The following NPIPB8 variants were observed in gnomAD, a reference collection of about 807,000 sequenced individuals.
NPIPB8 encodes the protein nuclear pore complex-interacting protein family member B8.
NPIPB8 carries 3 observed loss-of-function variants against 5.3 expected under a neutral mutation model. That is an observed-to-expected ratio of 0.57 (90% CI 0.26 to 1.47). The LOEUF is 1.47. NPIPB8 is among the 40% of genes most tolerant of loss of function. The pLI is 0.13. For missense variants in NPIPB8, 50 were observed against 50.2 expected, an observed-to-expected ratio of 1.00 and a Z score of 0.01; for synonymous variants, 18 against 23.0, an observed-to-expected ratio of 0.78 and a Z score of 0.62.
intron 3 of NPIPB8, among the ~76,000 whole-genome samples, chr16:28,649,525 C>CTTT (rs1441133615): frequency 1.5e-5 from 1 of 65,290 alleles, no homozygotes; most frequent in South Asian, 3.5e-4. Flanking sequence ...TTGGAGGAAG[C>CTTT]TTTTTTTTTT....
At chr16:28,652,124 T>G in intron 4 of NPIPB8, 45 bp from the exon 5 acceptor site, 1 of 192,692 alleles carries the variant, frequency 5.2e-6, no homozygotes. Context: ...GAACAGCTTC[T>G]TGACCTCAGG....
chr16:28,641,227 T>C lies in NPIPB8; in HGVS notation c.120+2747T>C, dbSNP rs3987685. 5.3e-3 allele frequency among the ~76,000 whole-genome samples: 804 copies of C among 151,302 alleles called. 6 individuals carry two copies. Among genetic ancestry groups the C allele is most frequent in the Middle Eastern group, 6.8e-3 (2 of 294 alleles). ...GAGATGCTCCATGAGGCCCCAGGTG[T>C]GAGCCTGTACCCTGCCGGAGCATGA... On this transcript the variant is annotated intron_variant, in intron 2 of 7. Coordinates refer to ENST00000683297, the MANE Select transcript of NPIPB8 (RefSeq NM_001310136.2).
At position 28,642,728 on chromosome 16, in the gene NPIPB8, C is replaced by G. The variant is rs557890204; in HGVS notation, c.120+4248C>G. Among the ~76,000 whole-genome samples the G allele has an allele frequency of 6.5e-3, 978 of 150,050 alleles. 7 individuals are homozygous for G. Among genetic ancestry groups the G allele is most frequent in the Admixed American group, 8.7e-3 (132 of 15,132 alleles). ...GGAACTCCTGACCTTGTGATCCGCC[C>G]ACCTCGGCCTCCCAAAGTGCTGGGA... On this transcript the variant is annotated intron_variant, in intron 2 of 7. Transcript: ENST00000683297.
intron 2 of NPIPB8, among the ~76,000 whole-genome samples, chr16:28,640,501 T>C (rs1252792072): frequency 2.0e-5 from 3 of 152,086 alleles, no homozygotes; most frequent in African/African-American, 7.2e-5. Flanking sequence ...TCACATCTCC[T>C]GGGTCAAAGC....
chr16:28,645,039 C>CA (rs2047975573), intron 2 of NPIPB8, among the ~76,000 whole-genome samples: 1 of 66,320 alleles, frequency 1.5e-5, no homozygotes, highest in Non-Finnish European at 3.0e-5. Flanking sequence ...GGTTTGATGA[C>CA]TTTTTTTTTT....
intron 2 of NPIPB8, among the ~76,000 whole-genome samples, chr16:28,641,286 G>T (rs936052809): frequency 8.0e-5 from 12 of 150,554 alleles, no homozygotes; most frequent in African/African-American, 2.7e-4. Context: ...TGGGGATAGT[G>T]GGGGTAGTGG....
rs1459414714 is a variant in NPIPB8, at chr16:28,649,515, T to C, written c.303+1198T>C. Among the ~76,000 whole-genome samples the C allele has an allele frequency of 3.3e-4, 27 of 81,242 alleles. 1 individual carries two copies. The highest frequency in any genetic ancestry group is 1.7e-3 in the African/African-American group (22 of 12,930). 53.3% of individuals were successfully genotyped at this position (81,242 alleles called of 152,430 possible). On this transcript the variant is annotated intron_variant, in intron 3 of 7. Transcript: ENST00000683297. The stretch of plus-strand genomic sequence containing the variant: ...CTGAACAGAGAATTTTTGGTATAAA[T>C]TGGAGGAAGCTTTTTTTTTTTTTTT...
rs1277514364 is a variant in NPIPB8, at chr16:28,638,321, AG to A, written c.-38del. 6.4e-7 allele frequency: 1 copy of A among 1,559,986 alleles called. No homozygotes were observed. Among genetic ancestry groups the A allele is most frequent in the Non-Finnish European group, 8.6e-7 (1 of 1,160,364 alleles). On this transcript the variant is annotated splice_acceptor_variant, in intron 1 of 7. Transcript: ENST00000683297. LOFTEE classifies it low-confidence loss of function (5UTR_SPLICE). ...AAACTTTTTTTCTTAATTGTCTAATAGGTTGGCACTCATCATGAGCCCCTGT... is the reference window on the plus strand; with the variant it reads ...AAACTTTTTTTCTTAATTGTCTAATAGTTGGCACTCATCATGAGCCCCTGT...
chr16:28,644,272 C>T (rs1214010997), intron 2 of NPIPB8, among the ~76,000 whole-genome samples: 3 of 101,320 alleles, frequency 3.0e-5, no homozygotes, highest in African/African-American at 1.0e-4. Context: ...TGATCTTCTC[C>T]GTGACCTGTA....
intron 2 of NPIPB8, among the ~76,000 whole-genome samples, chr16:28,640,396 A>G (rs2198888): frequency 7.9e-5 from 12 of 152,270 alleles, no homozygotes; most frequent in Admixed American, 1.3e-4. Flanking sequence ...GCCTCCATAT[A>G]GGAGCTGTCA....
At chr16:28,644,521 C>T (rs1387986095) in intron 2 of NPIPB8, 2 of 1,289,454 alleles carry the variant, frequency 1.6e-6, no homozygotes, top group Non-Finnish European at 1.0e-6. Context: ...GTCCCCTTCC[C>T]TCCCCCCTGC....
intron 2 of NPIPB8, among the ~76,000 whole-genome samples, chr16:28,644,399 T>C (rs866323811): frequency 8.0e-3 from 336 of 42,150 alleles, no homozygotes; most frequent in African/African-American, 0.034. Flanking sequence ...CCCCCTTCTC[T>C]TCCTTTCCCT....
chr16:28,638,253 C>G (rs1405355066), intron 1 of NPIPB8, 70 bp from the exon 2 acceptor site: 5 of 1,530,710 alleles, frequency 3.3e-6, no homozygotes, highest in East Asian at 4.9e-5. Flanking sequence ...TGCTCTTGAC[C>G]ACTATAGACT....
At chr16:28,639,513 A>G (rs2898719) in intron 2 of NPIPB8, among the ~76,000 whole-genome samples, 279 of 121,902 alleles carry the variant, frequency 2.3e-3, no homozygotes, top group Non-Finnish European at 3.0e-3. Context: ...CTGGAGTGCA[A>G]TGGCACAATC....
chr16:28,642,633 C>T (rs1464869768), intron 2 of NPIPB8, among the ~76,000 whole-genome samples: 1 of 150,788 alleles, frequency 6.6e-6, no homozygotes, highest in African/African-American at 2.4e-5. Flanking sequence ...TACAGGTGCC[C>T]ACCACCACAC....
intron 2 of NPIPB8, chr16:28,644,451 C>A: frequency 4.9e-5 from 1 of 20,276 alleles, no homozygotes; most frequent in South Asian, 1.9e-3. Flanking sequence ...CCTCCCCCTC[C>A]CCCTCCCCTC....
chr16:28,642,226 C>A lies in NPIPB8; in HGVS notation c.120+3746C>A, dbSNP rs1340282423. 2.6e-5 allele frequency among the ~76,000 whole-genome samples: 4 copies of A among 151,744 alleles called. No homozygotes were observed. In the East Asian group the frequency reaches 7.8e-4, roughly 30 times the overall value. The stretch of plus-strand genomic sequence containing the variant: ...GCCCAAGGGATTGTCCTGCCTCAGC[C>A]TCCTGAGTAGCTGGGATTACAGGTG... On this transcript the variant is annotated intron_variant, in intron 2 of 7. Transcript: ENST00000683297.
intron 2 of NPIPB8, among the ~76,000 whole-genome samples, chr16:28,642,113 T>C (rs1011774327): frequency 6.6e-6 from 1 of 151,438 alleles, no homozygotes; most frequent in Non-Finnish European, 1.5e-5. Flanking sequence ...GCTTCTTTTT[T>C]TTTTTGAGAC....
chr16:28,639,452 TA>T (rs2047853703), intron 2 of NPIPB8, among the ~76,000 whole-genome samples: 3 of 82,818 alleles, frequency 3.6e-5, no homozygotes, highest in African/African-American at 1.2e-4. Flanking sequence ...CACATATATA[TA>T]TATTTTTTTT....
Sources: allele counts gnomAD v4.1 joint callset (sites outside exome capture counted in the v4.1 genomes callset), GRCh38; gene constraint gnomAD v4.1.1; transcripts MANE v1.5; gene names NCBI Gene and HGNC (gene_info 2026-07-23, HGNC 2026-07-21).